Variants in CSMD1 observed in about 807,000 individuals in gnomAD.
The protein encoded by CSMD1 is CUB and Sushi multiple domains 1.
In CSMD1, 213 loss-of-function variants were observed where a neutral mutation model predicts 417.5. That is an observed-to-expected ratio of 0.51 (90% CI 0.46 to 0.57). The LOEUF is 0.57. Among genes scored for constraint, CSMD1 ranks in the 20% least tolerant of loss-of-function variants. The pLI is 0.00. For synonymous variants in CSMD1, 2,862 were observed against 1,736.8 expected, an observed-to-expected ratio of 1.65 and a Z score of -16.11; for missense variants, 6,923 against 4,529.7, an observed-to-expected ratio of 1.53 and a Z score of -15.17.
chr8:3,951,749 T>C (rs762510662), intron 5 of CSMD1, among the ~76,000 whole-genome samples: 7 of 152,098 alleles, frequency 4.6e-5, no homozygotes, highest in Non-Finnish European at 7.4e-5. Flanking sequence ...TAAAACGTAA[T>C]AGATGAGTAG....
chr8:3,552,149 C>T (rs1006029195), intron 10 of CSMD1, among the ~76,000 whole-genome samples: 1 of 152,172 alleles, frequency 6.6e-6, no homozygotes, highest in African/African-American at 2.4e-5. Context: ...ATCCCATCTT[C>T]TAAGAGAAAG....
Position 4,252,433 on chromosome 8 carries a change from C to G in CSMD1, c.415+167520G>C, listed in dbSNP as rs920378159. Among the ~76,000 whole-genome samples, 14 of 152,176 alleles carry G rather than the reference C, an allele frequency of 9.2e-5. 1 individual carries two copies. The highest frequency in any genetic ancestry group is 3.4e-4 in the African/African-American group (14 of 41,446). On this transcript the variant is annotated intron_variant, in intron 3 of 69. Coordinates refer to ENST00000635120, the MANE Select transcript of CSMD1 (RefSeq NM_033225.6). Reference sequence around the variant, plus strand: ...AAACTGAGACTTGGGAAGAAATAAACTCGAGGGGACCTGAATGAGAACTTG... The same window carrying G: ...AAACTGAGACTTGGGAAGAAATAAAGTCGAGGGGACCTGAATGAGAACTTG...
At chr8:3,854,213 C>G (rs1184301193) in intron 5 of CSMD1, among the ~76,000 whole-genome samples, 1 of 148,208 alleles carries the variant, frequency 6.7e-6, no homozygotes, top group African/African-American at 2.5e-5. Context: ...TTTGGGAACA[C>G]TTAAAACATG....
intron 26 of CSMD1, among the ~76,000 whole-genome samples, chr8:3,259,937 C>A (rs1449953901): frequency 6.6e-6 from 1 of 152,118 alleles, no homozygotes; most frequent in Non-Finnish European, 1.5e-5. Flanking sequence ...TCTGTAGCTG[C>A]CTTTGGGCTA....
At chr8:4,993,116 A>T (rs762167605) in intron 1 of CSMD1, among the ~76,000 whole-genome samples, 3 of 152,196 alleles carry the variant, frequency 2.0e-5, no homozygotes, top group Non-Finnish European at 4.4e-5. Context: ...GGACCACTGG[A>T]GGAAAAGGAA....
intron 3 of CSMD1, among the ~76,000 whole-genome samples, chr8:4,149,073 C>T (rs775974279): frequency 6.6e-6 from 1 of 151,926 alleles, no homozygotes; most frequent in South Asian, 2.1e-4. Context: ...AAGCGATTCT[C>T]CTGCCTCAGC....
chr8:4,181,963 T>TGTGTGC (rs1184993791), intron 3 of CSMD1, among the ~76,000 whole-genome samples: 2 of 151,104 alleles, frequency 1.3e-5, no homozygotes, highest in African/African-American at 4.9e-5. Flanking sequence ...TCTGCGTGTG[T>TGTGTGC]GTGTGTGTGT....
chr8:4,417,935 C>G (rs1797036984), intron 3 of CSMD1, among the ~76,000 whole-genome samples: 1 of 151,964 alleles, frequency 6.6e-6, no homozygotes, highest in Non-Finnish European at 1.5e-5. Context: ...ATAAATATTG[C>G]TATAAAAGCT....
chr8:4,194,767 T>G (rs1334966575), intron 3 of CSMD1, among the ~76,000 whole-genome samples: 1 of 152,026 alleles, frequency 6.6e-6, no homozygotes, highest in African/African-American at 2.4e-5. Flanking sequence ...TTTTAACACA[T>G]ATAAAACATT....
At chr8:3,769,352 A>G (rs1224138638) in intron 5 of CSMD1, among the ~76,000 whole-genome samples, 1 of 152,008 alleles carries the variant, frequency 6.6e-6, no homozygotes, top group Non-Finnish European at 1.5e-5. Context: ...AAGTTGTACC[A>G]AATTAGATAA....
intron 3 of CSMD1, among the ~76,000 whole-genome samples, chr8:4,176,153 G>C (rs921030363): frequency 5.3e-5 from 8 of 152,182 alleles, no homozygotes; most frequent in African/African-American, 1.4e-4. Flanking sequence ...GGGTGGAAAA[G>C]AGACTCTATG....
At chr8:4,443,897 C>T (rs1185460182) in intron 2 of CSMD1, among the ~76,000 whole-genome samples, 3 of 152,268 alleles carry the variant, frequency 2.0e-5, no homozygotes, top group African/African-American at 7.2e-5. Context: ...CATTTCATCA[C>T]ATCTACAGGA....
intron 12 of CSMD1, among the ~76,000 whole-genome samples, chr8:3,467,450 G>A (rs1350905092): frequency 6.6e-6 from 1 of 152,176 alleles, no homozygotes; most frequent in Admixed American, 6.6e-5. Context: ...TTCAATTGAA[G>A]GTCAGGTCTA....
At chr8:3,513,503 G>C (rs763591819) in intron 10 of CSMD1, among the ~76,000 whole-genome samples, 2 of 151,982 alleles carry the variant, frequency 1.3e-5, no homozygotes, top group East Asian at 1.9e-4. Context: ...GATCGTGTGA[G>C]TCAATACTCC....
Position 4,839,120 on chromosome 8 carries a change from C to T in CSMD1, c.85+155212G>A, listed in dbSNP as rs1480821610. On this transcript the variant is annotated intron_variant, in intron 1 of 69. Coordinates refer to ENST00000635120, the MANE Select transcript of CSMD1 (RefSeq NM_033225.6). ...AGTCAGTTTCCCACCTCAAACTCCA[C>T]GACTTCTTCAAAAGCTGTGTGTCGT... Among the ~76,000 whole-genome samples, 6 of 152,172 alleles carry T rather than the reference C, an allele frequency of 3.9e-5. No individual in the cohort carries two copies. The South Asian group carries it at 1.0e-3, about 26-fold the overall frequency.
intron 55 of CSMD1, among the ~76,000 whole-genome samples, chr8:2,974,865 T>G (rs1804789530): frequency 6.6e-6 from 1 of 152,226 alleles, no homozygotes; most frequent in African/African-American, 2.4e-5. Flanking sequence ...GTAGCTTTCC[T>G]TATGGTAGAA....
intron 5 of CSMD1, among the ~76,000 whole-genome samples, chr8:3,784,559 G>A (rs1019312569): frequency 5.9e-5 from 9 of 152,132 alleles, no homozygotes; most frequent in African/African-American, 2.2e-4. Context: ...GTCATAAAAT[G>A]AATATTTAAA....
rs192411615 is a variant in CSMD1, at chr8:4,723,990, A to T, written c.86-86432T>A. On this transcript the variant is annotated intron_variant, in intron 1 of 69. Coordinates refer to ENST00000635120, the MANE Select transcript of CSMD1 (RefSeq NM_033225.6). Reference sequence around the variant, plus strand: ...CTCGGGCAGAAAGAACGTGAAAACAATTTTTAAAAATATGATGCTCTGTCA... The same window carrying T: ...CTCGGGCAGAAAGAACGTGAAAACATTTTTTAAAAATATGATGCTCTGTCA... 1.8e-4 allele frequency among the ~76,000 whole-genome samples: 28 copies of T among 152,152 alleles called. No individual in the cohort carries two copies. In the East Asian group the frequency reaches 3.3e-3, roughly 18 times the overall value.
chr8:3,039,146 C>T (rs929808663), intron 50 of CSMD1, among the ~76,000 whole-genome samples: 3 of 152,148 alleles, frequency 2.0e-5, no homozygotes, highest in Admixed American at 1.3e-4. Context: ...GTGAGGCAGA[C>T]ACAGGAAGCT....
Sources: gnomAD v4.1 joint callset for allele counts (sites outside exome capture counted in the v4.1 genomes callset) on GRCh38, gnomAD v4.1.1 for gene constraint, MANE v1.5 for transcripts, NCBI Gene and HGNC (gene_info 2026-07-23, HGNC 2026-07-21) for gene names.